Variants in KALRN observed in about 807,000 individuals in gnomAD.
KALRN encodes kalirin RhoGEF kinase, also known as kalirin.
Under a neutral mutation model 353.7 loss-of-function variants are expected in KALRN, and 70 were observed. The observed-to-expected ratio is 0.20, with a 90% CI of 0.16 to 0.24. The LOEUF (loss-of-function observed/expected upper bound fraction) is 0.24. KALRN is among the 10% of genes least tolerant of loss of function. The pLI is 1.00. For synonymous variants in KALRN, 1,391 were observed against 1,434.8 expected, an observed-to-expected ratio of 0.97 and a Z score of 0.69; for missense variants, 2,791 against 3,756.7, an observed-to-expected ratio of 0.74 and a Z score of 6.72.
At chr3:124,329,161 C>G (rs1280719581) in intron 7 of KALRN, among the ~76,000 whole-genome samples, 4 of 152,100 alleles carry the variant, frequency 2.6e-5, no homozygotes, top group Non-Finnish European at 5.9e-5. Context: ...GCGTGAAGAC[C>G]CATAGTCTTC....
chr3:124,444,089 A>G (rs149295407), intron 19 of KALRN, among the ~76,000 whole-genome samples: 353 of 152,258 alleles, frequency 2.3e-3, no homozygotes, highest in African/African-American at 8.3e-3. Context: ...ATGATATCCA[A>G]CTGTAAACAT....
Position 124,225,133 on chromosome 3 carries a change from T to C in KALRN, c.74-2857T>C, listed in dbSNP as rs990586797. ...CCAACAGCTGGTTTCACAAGGGCCCTGGGGGAATTGATATGATACATAGTA... is the reference window on the plus strand; with the variant it reads ...CCAACAGCTGGTTTCACAAGGGCCCCGGGGGAATTGATATGATACATAGTA... On this transcript the variant is annotated intron_variant, in intron 1 of 59. Coordinates refer to ENST00000682506, the MANE Select transcript of KALRN (RefSeq NM_001388419.1). Among the ~76,000 whole-genome samples the C allele has an allele frequency of 5.1e-4, 77 of 152,180 alleles. 1 individual carries two copies. Among genetic ancestry groups the C allele is most frequent in the Non-Finnish European group, 2.9e-5 (2 of 68,040 alleles).
chr3:124,311,618 T>C (rs1011483958), intron 6 of KALRN, among the ~76,000 whole-genome samples: 12 of 152,188 alleles, frequency 7.9e-5, no homozygotes, highest in African/African-American at 2.9e-4. Flanking sequence ...CCATATGACC[T>C]AGTAATTCAA....
At chr3:124,418,707 C>A (rs1484467382) in intron 14 of KALRN, among the ~76,000 whole-genome samples, 1 of 152,188 alleles carries the variant, frequency 6.6e-6, no homozygotes, top group Non-Finnish European at 1.5e-5. Context: ...CAAACTAACG[C>A]TTATTATTGT....
chr3:124,223,193 T>G (rs1258038149), intron 1 of KALRN, among the ~76,000 whole-genome samples: 2 of 152,054 alleles, frequency 1.3e-5, no homozygotes, highest in Non-Finnish European at 2.9e-5. Flanking sequence ...TTTGTCTTAC[T>G]GTCACTGAAG....
At chr3:124,504,932 C>A in intron 33 of KALRN, 1 of 506,292 alleles carries the variant, frequency 2.0e-6, no homozygotes, top group South Asian at 1.5e-5. Flanking sequence ...GGAGACAGTC[C>A]AAGGCAAACA....
intron 34 of KALRN, among the ~76,000 whole-genome samples, chr3:124,575,275 C>A (rs1432042414): frequency 1.3e-5 from 2 of 152,232 alleles, no homozygotes; most frequent in Non-Finnish European, 2.9e-5. Flanking sequence ...AAGTCTGGCT[C>A]CTCACCTTTG....
At chr3:124,561,105 A>G (rs1376051305) in intron 33 of KALRN, among the ~76,000 whole-genome samples, 1 of 152,238 alleles carries the variant, frequency 6.6e-6, no homozygotes, top group Non-Finnish European at 1.5e-5. Flanking sequence ...GTGAGGACCA[A>G]GTAGATAATT....
chr3:124,571,802 T>C (rs2073537221), intron 34 of KALRN, among the ~76,000 whole-genome samples: 1 of 151,652 alleles, frequency 6.6e-6, no homozygotes, highest in Non-Finnish European at 1.5e-5. Flanking sequence ...AATTTTTGTA[T>C]TTTTTTGTAG....
chr3:124,164,631 G>C (rs1230376040), intron 1 of KALRN: 2 of 152,138 alleles, frequency 1.3e-5, no homozygotes, highest in Non-Finnish European at 2.9e-5. Context: ...TAACTATAGA[G>C]GTTATTAACT....
At chr3:124,384,415 A>C (rs1265130803) in intron 10 of KALRN, 1 of 154,082 alleles carries the variant, frequency 6.5e-6, no homozygotes, top group Non-Finnish European at 1.4e-5. Context: ...GGAGAAAAGC[A>C]AAGTGAGTCT....
rs773202936 is a variant in KALRN, at chr3:124,395,193, C to G, written c.2021C>G (p.Ser674Cys). ...ATGTTGGAGGATGTCTGTGCAGATTCTGTGGATGCAGTCCAGGAACTGATC... is the reference window on the plus strand; with the variant it reads ...ATGTTGGAGGATGTCTGTGCAGATTGTGTGGATGCAGTCCAGGAACTGATC... ...KEMLEDVCAD[S>C]VDAVQELIKQ... The change falls in exon 12 of 60, where the codon TCT becomes TGT. Residue 674 changes from serine to cysteine, a missense_variant. Physicochemically the swap from Ser to Cys is moderately radical, Grantham distance 112. This residue lies in a region of KALRN where 452 missense variants were observed against 575.8 expected (regional missense o/e 0.78). Transcript: ENST00000682506. 6.2e-7 allele frequency: 1 copy of G among 1,613,538 alleles called. No homozygotes were observed. The highest frequency in any genetic ancestry group is 1.7e-5 in the Admixed American group (1 of 59,906).
intron 33 of KALRN, among the ~76,000 whole-genome samples, chr3:124,558,231 G>A (rs576418046): frequency 6.6e-6 from 1 of 152,100 alleles, no homozygotes; most frequent in East Asian, 1.9e-4. Flanking sequence ...AATTTCTTCT[G>A]TACTCCTTTC....
chr3:124,142,865 CCCACAAA>C (rs1024017489), intron 1 of KALRN, among the ~76,000 whole-genome samples: 40 of 152,250 alleles, frequency 2.6e-4, no homozygotes, highest in African/African-American at 9.6e-4. Context: ...TCCTCCTCCT[CCCACAAA>C]AGTGCCTCAG....
In KALRN at chr3:124,658,365, C is replaced by T. The variant is rs550879282; in HGVS notation, c.6037-66C>T. ...TTTGTCCACGTGGAGGCCAGCACGG[C>T]ACTCTGAGATTGAACAAAAGACACA... is the stretch of plus-strand genomic sequence containing the variant. On this transcript the variant is annotated intron_variant, in intron 41 of 59. Coordinates refer to ENST00000682506, the MANE Select transcript of KALRN (RefSeq NM_001388419.1). 6.3e-5 allele frequency: 76 copies of T among 1,215,956 alleles called. No homozygotes were observed. The South Asian group carries it at 8.9e-4, about 14-fold the overall frequency. The allele number at this position is 1,215,956 out of a possible 1,614,324, so 75.3% of individuals were successfully genotyped here. A position where few individuals can be genotyped will look rare whatever the true frequency, so the allele number is the denominator to read the frequency against.
chr3:124,070,048 A>G (rs1383201904), intron 1 of KALRN, among the ~76,000 whole-genome samples: 1 of 152,200 alleles, frequency 6.6e-6, no homozygotes, highest in Non-Finnish European at 1.5e-5. Flanking sequence ...TAAAATGAAG[A>G]AAAATAAGGA....
intron 34 of KALRN, chr3:124,584,586 C>T: frequency 7.3e-7 from 1 of 1,375,472 alleles, no homozygotes; most frequent in Non-Finnish European, 9.4e-7. Flanking sequence ...CTCCTGCCCA[C>T]AGCTGGACCT....
At chr3:124,058,714 T>C (rs1002558091) in intron 1 of KALRN, among the ~76,000 whole-genome samples, 3 of 152,228 alleles carry the variant, frequency 2.0e-5, no homozygotes, top group Non-Finnish European at 4.4e-5. Flanking sequence ...ATTAAATCAG[T>C]AAGCTTCCCT....
intron 1 of KALRN, among the ~76,000 whole-genome samples, chr3:124,168,525 T>C (rs760346448): frequency 4.6e-5 from 7 of 152,170 alleles, no homozygotes; most frequent in Admixed American, 1.3e-4. Context: ...GTGAGAGTCA[T>C]TGGGAGGGCC....
Sources: allele counts gnomAD v4.1 joint callset (sites outside exome capture counted in the v4.1 genomes callset), GRCh38; gene constraint gnomAD v4.1.1; regional missense constraint gnomAD v4.1.1; transcripts MANE v1.5; gene names NCBI Gene and HGNC (gene_info 2026-07-23, HGNC 2026-07-21).